XNDC1N: variants seen among roughly 807,000 people sequenced by gnomAD.
The protein encoded by XNDC1N is XRCC1 N-terminal domain containing 1, N-terminal like.
the XNDC1N span, among the ~76,000 whole-genome samples, chr11:71,910,839 G>A: frequency 6.6e-6 from 1 of 152,140 alleles, no homozygotes; most frequent in Non-Finnish European, 1.5e-5. Flanking sequence ...TATTAGCCAA[G>A]CCTTTCTATG....
the XNDC1N span, among the ~76,000 whole-genome samples, chr11:71,873,410 T>G: frequency 6.6e-6 from 1 of 152,254 alleles, no homozygotes; most frequent in Non-Finnish European, 1.5e-5. Flanking sequence ...TCTCTATGTA[T>G]GAATTTGGGA....
chr11:71,916,230 T>G, the XNDC1N span: 7 of 702,500 alleles, frequency 1.0e-5, no homozygotes, highest in Non-Finnish European at 1.6e-5. Flanking sequence ...ATAACTCTCC[T>G]GAGGCTGGAG....
the XNDC1N span, among the ~76,000 whole-genome samples, chr11:71,866,272 T>C: frequency 6.6e-6 from 1 of 152,054 alleles, no homozygotes; most frequent in African/African-American, 2.4e-5. Context: ...TTTTAGGACA[T>C]TTAAAAGATT....
At chr11:71,907,216 T>G in the XNDC1N span, among the ~76,000 whole-genome samples, 2 of 152,024 alleles carry the variant, frequency 1.3e-5, no homozygotes, top group South Asian at 2.1e-4. Context: ...CAGTGACACA[T>G]TCCTAGAATA....
At chr11:71,899,265 C>A in the XNDC1N span, among the ~76,000 whole-genome samples, 1 of 152,106 alleles carries the variant, frequency 6.6e-6, no homozygotes, top group Non-Finnish European at 1.5e-5. Flanking sequence ...TTCTTGCCAG[C>A]CTTGAAGACG....
chr11:71,905,039 T>C, the XNDC1N span, among the ~76,000 whole-genome samples: 2 of 152,002 alleles, frequency 1.3e-5, no homozygotes, highest in Non-Finnish European at 2.9e-5. Flanking sequence ...GTAACATCTC[T>C]TTAGGATATT....
chr11:71,888,027 C>T, the XNDC1N span, among the ~76,000 whole-genome samples: 5 of 152,160 alleles, frequency 3.3e-5, no homozygotes, highest in Admixed American at 6.5e-5. Context: ...GAGGCGTGGG[C>T]TCGAGACCTC....
the XNDC1N span, among the ~76,000 whole-genome samples, chr11:71,926,908 G>GAAATAAAATAAAATAAAATA: frequency 2.7e-5 from 4 of 149,186 alleles, no homozygotes; most frequent in African/African-American, 9.9e-5. Flanking sequence ...CTCAAAAAAT[G>GAAATAAAATAAAATAAAATA]AAATAAAATA....
At chr11:71,909,384 G>C in the XNDC1N span, among the ~76,000 whole-genome samples, 1 of 152,016 alleles carries the variant, frequency 6.6e-6, no homozygotes, top group Non-Finnish European at 1.5e-5. Context: ...TTGGCTGTCA[G>C]AGTTTGCAGC....
At chr11:71,891,172 T>C in the XNDC1N span, among the ~76,000 whole-genome samples, 1 of 151,990 alleles carries the variant, frequency 6.6e-6, no homozygotes, top group African/African-American at 2.4e-5. Context: ...TATCATACTC[T>C]TTCACTCTGG....
At chr11:71,921,927 C>G in the XNDC1N span, among the ~76,000 whole-genome samples, 1 of 152,068 alleles carries the variant, frequency 6.6e-6, no homozygotes, top group Admixed American at 6.5e-5. Context: ...TCTGGGAGAC[C>G]AAGGCAGGCG....
the XNDC1N span, among the ~76,000 whole-genome samples, chr11:71,874,722 T>C: frequency 6.6e-6 from 1 of 152,184 alleles, no homozygotes; most frequent in Non-Finnish European, 1.5e-5. Flanking sequence ...AATCTATCTA[T>C]AGACTTGATC....
At chr11:71,909,924 G>A in the XNDC1N span, among the ~76,000 whole-genome samples, 1 of 152,116 alleles carries the variant, frequency 6.6e-6, no homozygotes, top group African/African-American at 2.4e-5. Flanking sequence ...TCCGAGAGGA[G>A]GAATGGAGAC....
At chr11:71,894,047 T>C in the XNDC1N span, 13 of 595,472 alleles carry the variant, frequency 2.2e-5, no homozygotes, top group Non-Finnish European at 3.7e-5. Context: ...TCTGACAGCG[T>C]CATCAATAGC....
the XNDC1N span, among the ~76,000 whole-genome samples, chr11:71,908,242 ATAT>A: frequency 2.3e-3 from 348 of 151,982 alleles, no homozygotes; most frequent in Middle Eastern, 6.9e-3. Flanking sequence ...CAGATTATTA[ATAT>A]TAATAATTAT....
At chr11:71,912,925 G>T in the XNDC1N span, among the ~76,000 whole-genome samples, 1 of 152,102 alleles carries the variant, frequency 6.6e-6, no homozygotes, top group Non-Finnish European at 1.5e-5. Flanking sequence ...TGCATATTGG[G>T]AACAACATCA....
chr11:71,911,421 G>C, the XNDC1N span, among the ~76,000 whole-genome samples: 1 of 152,204 alleles, frequency 6.6e-6, no homozygotes, highest in South Asian at 2.1e-4. Context: ...ACCAGCCTTG[G>C]CCATCAGGAG....
At chr11:71,920,024 C>G in the XNDC1N span, among the ~76,000 whole-genome samples, 1 of 124,418 alleles carries the variant, frequency 8.0e-6, no homozygotes, top group East Asian at 2.7e-4. Context: ...GTGGTGCAAT[C>G]TCGGCTCACC....
At chr11:71,887,828 T>C in the XNDC1N span, among the ~76,000 whole-genome samples, 1 of 152,086 alleles carries the variant, frequency 6.6e-6, no homozygotes, top group African/African-American at 2.4e-5. Context: ...ATTGTTGGGG[T>C]TCCCGCCAGC....
Sources: gnomAD v4.1 joint callset for allele counts (sites outside exome capture counted in the v4.1 genomes callset) on GRCh38, gnomAD v4.1.1 for gene constraint, MANE v1.5 for transcripts, NCBI Gene and HGNC (gene_info 2026-07-23, HGNC 2026-07-21) for gene names.